Variants in RFX4 observed in about 807,000 individuals in gnomAD.
RFX4 encodes transcription factor RFX4.
In RFX4, 10 loss-of-function variants were observed where a neutral mutation model predicts 95.0. That is an observed-to-expected ratio of 0.11 (90% CI 0.06 to 0.18). The LOEUF is 0.18. RFX4 is among the 10% of genes least tolerant of loss of function. The probability of loss-of-function intolerance (pLI) is 1.00; values close to 1 mark genes in which losing one functional copy is unlikely to be tolerated. For synonymous variants in RFX4, 321 were observed against 340.7 expected (o/e 0.94, Z 0.64); for missense variants, 640 against 922.0 (o/e 0.69, Z 3.96).
intron 8 of RFX4, among the ~76,000 whole-genome samples, chr12:106,705,236 G>T (rs1193399152): frequency 6.6e-6 from 1 of 152,228 alleles, no homozygotes; most frequent in Non-Finnish European, 1.5e-5. Context: ...TCATTAAAAG[G>T]TAACTGCTGT....
intron 1 of RFX4, among the ~76,000 whole-genome samples, chr12:106,602,851 A>T (rs1472510168): frequency 2.0e-5 from 3 of 152,150 alleles, no homozygotes; most frequent in Non-Finnish European, 4.4e-5. Context: ...TGTGCCCAGT[A>T]CTGTACTAGG....
intron 17 of RFX4, among the ~76,000 whole-genome samples, chr12:106,759,375 G>A (rs1404742096): frequency 6.6e-6 from 1 of 152,198 alleles, no homozygotes; most frequent in Non-Finnish European, 1.5e-5. Flanking sequence ...AGGAGGTGAG[G>A]TGATACCCAG....
chr12:106,737,590 T>C (rs1288164491), intron 15 of RFX4, among the ~76,000 whole-genome samples: 1 of 152,140 alleles, frequency 6.6e-6, no homozygotes. Flanking sequence ...TTCCCCAAAG[T>C]TTCCTCTCTC....
intron 13 of RFX4, among the ~76,000 whole-genome samples, chr12:106,724,565 A>G (rs1396258822): frequency 2.0e-5 from 3 of 152,236 alleles, no homozygotes; most frequent in African/African-American, 7.2e-5. Flanking sequence ...GCAGTAAGAG[A>G]TGCCAGAAGA....
At chr12:106,617,276 TCTA>T (rs1189272836) in intron 2 of RFX4, among the ~76,000 whole-genome samples, 1 of 152,174 alleles carries the variant, frequency 6.6e-6, no homozygotes, top group Non-Finnish European at 1.5e-5. Context: ...CTTTCTTCCT[TCTA>T]CTTTCTTTCA....
chr12:106,612,851 A>T (rs2039991104), intron 2 of RFX4, among the ~76,000 whole-genome samples: 1 of 152,184 alleles, frequency 6.6e-6, no homozygotes, highest in African/African-American at 2.4e-5. Context: ...AAAAAAAAAA[A>T]GATGATTTCA....
chr12:106,639,266 G>A, intron 2 of RFX4, 66 bp from the exon 3 acceptor site: 3 of 1,357,348 alleles, frequency 2.2e-6, no homozygotes, highest in East Asian at 2.3e-5. Context: ...TGGGAGAGTC[G>A]AGAGGACTTT....
intron 13 of RFX4, among the ~76,000 whole-genome samples, chr12:106,725,935 C>T (rs1459603122): frequency 1.3e-5 from 2 of 151,866 alleles, no homozygotes; most frequent in African/African-American, 4.8e-5. Flanking sequence ...ACATGAAAAT[C>T]AATATTTCAA....
At position 106,682,198 on chromosome 12, in the gene RFX4, C is replaced by T. The variant is rs949614857; in HGVS notation, c.377+144C>T. On this transcript the variant is annotated intron_variant, in intron 5 of 17. Transcript: ENST00000392842. ...GAGGGAATATGGAAGAGCTTTATGA[C>T]GGCCAGGGCCCCTCTCTCAGGACTC... 41 of 756,226 alleles carry T rather than the reference C, an allele frequency of 5.4e-5. 1 individual carries two copies. Among genetic ancestry groups the T allele is most frequent in the African/African-American group, 1.6e-4 (9 of 57,416 alleles). 46.8% of individuals were successfully genotyped at this position (756,226 alleles called of 1,614,324 possible). A position where few individuals can be genotyped will look rare whatever the true frequency, so the allele number is the denominator to read the frequency against.
intron 11 of RFX4, 160 bp downstream of exon 11, chr12:106,715,704 G>T: frequency 2.5e-6 from 2 of 795,646 alleles, no homozygotes; most frequent in South Asian, 3.8e-5. Context: ...AGTCCAGAAG[G>T]AAGGGCTGAT....
chr12:106,596,930 C>T (rs2039628372), intron 1 of RFX4, among the ~76,000 whole-genome samples: 1 of 152,228 alleles, frequency 6.6e-6, no homozygotes, highest in Admixed American at 6.5e-5. Context: ...TCTTTCCTTA[C>T]TTTCTAGGAA....
intron 4 of RFX4, among the ~76,000 whole-genome samples, chr12:106,679,075 G>GC (rs1267795312): frequency 1.6e-4 from 24 of 152,164 alleles, no homozygotes; most frequent in African/African-American, 5.6e-4. Flanking sequence ...GATATCATCA[G>GC]CCATCTGAGT....
chr12:106,748,962 G>A (rs895300045), intron 16 of RFX4, among the ~76,000 whole-genome samples: 2 of 152,028 alleles, frequency 1.3e-5, no homozygotes, highest in African/African-American at 4.8e-5. Flanking sequence ...GCACGCGCCT[G>A]TAGTCCCAGC....
intron 8 of RFX4, among the ~76,000 whole-genome samples, chr12:106,702,594 G>A (rs1264341992): frequency 6.6e-6 from 1 of 152,148 alleles, no homozygotes; most frequent in African/African-American, 2.4e-5. Flanking sequence ...GTACAGTCCT[G>A]TTTCAGTCTT....
intron 4 of RFX4, among the ~76,000 whole-genome samples, chr12:106,679,349 G>T (rs2041458060): frequency 6.6e-6 from 1 of 152,118 alleles, no homozygotes; most frequent in Non-Finnish European, 1.5e-5. Context: ...CAGCTACTTG[G>T]TAGGCTGAGG....
intron 8 of RFX4, among the ~76,000 whole-genome samples, chr12:106,698,123 C>T (rs542067328): frequency 9.2e-5 from 14 of 151,914 alleles, no homozygotes; most frequent in African/African-American, 2.9e-4. Flanking sequence ...CAGGTGTGCA[C>T]CACCATGCCT....
At chr12:106,625,370 G>A (rs1054787265) in intron 2 of RFX4, among the ~76,000 whole-genome samples, 7 of 152,190 alleles carry the variant, frequency 4.6e-5, no homozygotes, top group Admixed American at 2.0e-4. Context: ...GACCAGTGGG[G>A]TCAAGTCCTA....
At chr12:106,716,415 G>T (rs2042292683) in intron 11 of RFX4, among the ~76,000 whole-genome samples, 2 of 151,868 alleles carry the variant, frequency 1.3e-5, no homozygotes, top group South Asian at 4.2e-4. Context: ...AAGCCCCAAG[G>T]CCCTTCAGAT....
At chr12:106,703,551 AT>A (rs1371494475) in intron 8 of RFX4, among the ~76,000 whole-genome samples, 1 of 152,184 alleles carries the variant, frequency 6.6e-6, no homozygotes, top group Non-Finnish European at 1.5e-5. Context: ...CTCCACTTTT[AT>A]TTTGTACCAC....
Sources: allele counts gnomAD v4.1 joint callset (sites outside exome capture counted in the v4.1 genomes callset), GRCh38; gene constraint gnomAD v4.1.1; transcripts MANE v1.5; gene names NCBI Gene and HGNC (gene_info 2026-07-23, HGNC 2026-07-21).